PRKAG2: variants seen among roughly 807,000 people sequenced by gnomAD.
PRKAG2 encodes the protein 5'-AMP-activated protein kinase subunit gamma-2.
A neutral mutation model predicts 69.6 loss-of-function variants in PRKAG2; 26 were observed. That is an observed-to-expected ratio of 0.37 (90% confidence interval 0.27 to 0.52). PRKAG2 has a LOEUF of 0.52. PRKAG2 is among the 20% of genes least tolerant of loss of function. The probability of loss-of-function intolerance (pLI) is 0.90; values close to 1 mark genes in which losing one functional copy is unlikely to be tolerated. For synonymous variants in PRKAG2, 293 were observed against 285.0 expected (o/e 1.03, Z -0.28); for missense variants, 557 against 740.0 (o/e 0.75, Z 2.87).
intron 6 of PRKAG2, among the ~76,000 whole-genome samples, chr7:151,590,751 G>T (rs1812895150): frequency 2.0e-5 from 3 of 152,246 alleles, no homozygotes; most frequent in Admixed American, 1.3e-4. Context: ...TTTCACAGCT[G>T]CAGAAACCGA....
chr7:151,559,203 C>T (rs1224460515), intron 15 of PRKAG2: 2 of 973,822 alleles, frequency 2.1e-6, no homozygotes, highest in African/African-American at 1.8e-5. Context: ...CTGTGAGATT[C>T]CTCCACTGTT....
chr7:151,767,002 CTGAGA>C (rs1422522876), intron 3 of PRKAG2, among the ~76,000 whole-genome samples: 1 of 152,170 alleles, frequency 6.6e-6, no homozygotes, highest in Non-Finnish European at 1.5e-5. Context: ...ATGTGGTTAG[CTGAGA>C]TGAGGGTTAT....
At chr7:151,601,456 G>A (rs1816049373) in intron 5 of PRKAG2, among the ~76,000 whole-genome samples, 2 of 152,082 alleles carry the variant, frequency 1.3e-5, no homozygotes, top group African/African-American at 4.8e-5. Flanking sequence ...ATTGTCTAGT[G>A]TGCATTCCTC....
chr7:151,586,623 C>G (rs550596923), intron 6 of PRKAG2, among the ~76,000 whole-genome samples: 22 of 152,288 alleles, frequency 1.4e-4, no homozygotes, highest in South Asian at 8.3e-4. Flanking sequence ...TTAGTTTCCT[C>G]GAATCACTAT....
chr7:151,593,002 C>T (rs573182807), intron 6 of PRKAG2, among the ~76,000 whole-genome samples: 3 of 152,316 alleles, frequency 2.0e-5, no homozygotes, highest in Admixed American at 6.5e-5. Context: ...AACGGCTTCC[C>T]GGAGATGATG....
At chr7:151,832,627 G>A (rs1168422496) in intron 1 of PRKAG2, among the ~76,000 whole-genome samples, 1 of 151,144 alleles carries the variant, frequency 6.6e-6, no homozygotes, top group Non-Finnish European at 1.5e-5. Context: ...CCCACCCTGG[G>A]TCCCTTCCAC....
At chr7:151,684,059 G>A (rs1337508370) in intron 3 of PRKAG2, among the ~76,000 whole-genome samples, 2 of 152,172 alleles carry the variant, frequency 1.3e-5, no homozygotes, top group South Asian at 2.1e-4. Flanking sequence ...CTCCAGGGCC[G>A]CTGGAGCTGA....
chr7:151,753,666 C>G (rs1474338368), intron 3 of PRKAG2, among the ~76,000 whole-genome samples: 1 of 152,128 alleles, frequency 6.6e-6, no homozygotes, highest in Non-Finnish European at 1.5e-5. Flanking sequence ...GATCCACTAC[C>G]TTGGCCTCCC....
In PRKAG2 at chr7:151,673,468, C is replaced by T. The variant is rs144192672; in HGVS notation, c.684+1952G>A. On this transcript the variant is annotated intron_variant, in intron 4 of 15. Coordinates refer to ENST00000287878, the MANE Select transcript of PRKAG2 (RefSeq NM_016203.4). ...CCGACTGTGCCACTCATTATCCCGG[C>T]GAAACCGCTCTCCCCCTTTACTGAG... Among the ~76,000 whole-genome samples, 999 of 152,258 alleles carry T rather than the reference C, an allele frequency of 6.6e-3. 8 individuals are homozygous for T. Among genetic ancestry groups the T allele is most frequent in the African/African-American group, 0.018 (762 of 41,544 alleles).
At chr7:151,562,272 A>AAAAAAAAAAAAAAG (rs1805217142) in intron 14 of PRKAG2, among the ~76,000 whole-genome samples, 1 of 148,244 alleles carries the variant, frequency 6.7e-6, no homozygotes, top group Non-Finnish European at 1.5e-5. Flanking sequence ...AAAAAAAAAA[A>AAAAAAAAAAAAAAG]AGGCTTCAGA....
chr7:151,556,362 A>T lies in PRKAG2; in HGVS notation c.*839T>A, dbSNP rs1043445184. ...TCATGATTTTACATTTCAATACACA[A>T]GAAAAAAAATAGACATCTTCCCGGC... On this transcript the variant is annotated 3_prime_UTR_variant, in exon 16 of 16. Coordinates refer to ENST00000287878, the MANE Select transcript of PRKAG2 (RefSeq NM_016203.4). 5 of 152,658 alleles carry T rather than the reference A, an allele frequency of 3.3e-5. No homozygotes were observed. The highest frequency in any genetic ancestry group is 5.9e-5 in the Non-Finnish European group (4 of 68,062). The allele number at this position is 152,658 out of a possible 1,614,324, so 9.5% of individuals were successfully genotyped here.
intron 5 of PRKAG2, among the ~76,000 whole-genome samples, chr7:151,615,367 A>G (rs543047650): frequency 8.5e-4 from 129 of 152,352 alleles, no homozygotes; most frequent in Admixed American, 1.5e-3. Context: ...TGGTAGAACA[A>G]TTTATATTCC....
chr7:151,607,657 T>C (rs902899208), intron 5 of PRKAG2, among the ~76,000 whole-genome samples: 1 of 152,184 alleles, frequency 6.6e-6, no homozygotes, highest in African/African-American at 2.4e-5. Context: ...TCATCTCCTA[T>C]CACATCCCCT....
intron 1 of PRKAG2, among the ~76,000 whole-genome samples, chr7:151,795,867 AT>A (rs1330174667): frequency 8.9e-6 from 1 of 112,796 alleles, no homozygotes; most frequent in African/African-American, 3.7e-5. Flanking sequence ...ATATATATAT[AT>A]ATATATATAT....
At chr7:151,588,288 G>T (rs1244332389) in intron 6 of PRKAG2, among the ~76,000 whole-genome samples, 4 of 150,234 alleles carry the variant, frequency 2.7e-5, no homozygotes, top group Non-Finnish European at 5.9e-5. Context: ...GAGGGACCCA[G>T]TGGGAGGTAA....
chr7:151,616,295 TGCACACAG>T (rs1820128842), intron 5 of PRKAG2, among the ~76,000 whole-genome samples: 1 of 152,122 alleles, frequency 6.6e-6, no homozygotes, highest in Non-Finnish European at 1.5e-5. Flanking sequence ...CATGCACATA[TGCACACAG>T]GCACACACAC....
intron 1 of PRKAG2, among the ~76,000 whole-genome samples, chr7:151,829,923 G>A (rs187934772): frequency 1.1e-3 from 174 of 151,880 alleles, no homozygotes; most frequent in African/African-American, 3.7e-3. Context: ...TGAGGAGACC[G>A]AGGCGCAGAC....
chr7:151,621,493 G>T (rs979831133), intron 5 of PRKAG2, among the ~76,000 whole-genome samples: 1 of 151,950 alleles, frequency 6.6e-6, no homozygotes, highest in African/African-American at 2.4e-5. Flanking sequence ...GACCAACCTG[G>T]GTGACAGAGT....
At chr7:151,749,280 G>A (rs2074506794) in intron 3 of PRKAG2, among the ~76,000 whole-genome samples, 1 of 152,158 alleles carries the variant, frequency 6.6e-6, no homozygotes, top group African/African-American at 2.4e-5. Context: ...GCAGACACCT[G>A]GAGGGGCAAT....
Sources: allele counts gnomAD v4.1 joint callset (sites outside exome capture counted in the v4.1 genomes callset), GRCh38; gene constraint gnomAD v4.1.1; transcripts MANE v1.5; gene names NCBI Gene and HGNC (gene_info 2026-07-23, HGNC 2026-07-21).